The following LRP6 variants were observed in gnomAD, a reference collection of about 807,000 sequenced individuals.
The protein encoded by LRP6 is low-density lipoprotein receptor-related protein 6.
LRP6 carries 43 observed loss-of-function variants against 184.1 expected under a neutral mutation model. That is an observed-to-expected ratio of 0.23 (90% CI 0.18 to 0.30). LRP6 has a LOEUF of 0.30. Among genes scored for constraint, LRP6 ranks in the 10% least tolerant of loss-of-function variants. The pLI is 1.00. For missense variants in LRP6, 1,571 were observed against 2,005.3 expected (o/e 0.78, Z 4.14); for synonymous variants, 719 against 684.9 (o/e 1.05, Z -0.78).
chr12:12,127,646 G>A (rs773110381), intron 19 of LRP6, among the ~76,000 whole-genome samples: 5 of 152,028 alleles, frequency 3.3e-5, no homozygotes, highest in East Asian at 1.9e-4. Flanking sequence ...TGAGCTACCC[G>A]TTTAAGAAGC....
At chr12:12,214,317 G>C (rs1290127203) in intron 2 of LRP6, among the ~76,000 whole-genome samples, 2 of 152,040 alleles carry the variant, frequency 1.3e-5, no homozygotes, top group African/African-American at 4.8e-5. Flanking sequence ...TACAAGCACT[G>C]GATACAAATA....
intron 12 of LRP6, among the ~76,000 whole-genome samples, chr12:12,157,875 T>G (rs192370880): frequency 2.6e-5 from 4 of 152,162 alleles, no homozygotes; most frequent in Admixed American, 2.0e-4. Flanking sequence ...ATTTAAGTTA[T>G]AAGCCAGGTT....
Position 12,266,683 on chromosome 12 carries a change from C to T in LRP6, c.53G>A (p.Arg18Lys). The change falls in exon 1 of 23, where the codon AGA becomes AAA. Residue 18 changes from arginine to lysine, a missense_variant and splice_region_variant. Transcript: ENST00000261349. ...TCCAGTGCCCCCACTCTTCCCACCT[C>T]TCAGGAGCACACAGAAGCTGCAGGC... Reference protein sequence around the residue: ...LLACSFCVLLRAAPLLLYANR... With the variant: ...LLACSFCVLLKAAPLLLYANR... 1.2e-6 allele frequency: 2 copies of T among 1,613,558 alleles called. No individual in the cohort carries two copies. The highest frequency in any genetic ancestry group is 1.7e-6 in the Non-Finnish European group (2 of 1,179,802).
intron 9 of LRP6, among the ~76,000 whole-genome samples, chr12:12,163,496 T>C (rs1862792946): frequency 1.3e-5 from 2 of 152,246 alleles, no homozygotes; most frequent in Admixed American, 1.3e-4. Context: ...TTCAGATTTA[T>C]AGGTTGGGAG....
Position 12,187,117 on chromosome 12 carries a change from T to C in LRP6, c.650A>G (p.Gln217Arg), listed in dbSNP as rs1255524884. The change falls in exon 4 of 23, where the codon CAG (glutamine) becomes CGG (arginine). Residue 217 changes from glutamine to arginine, a missense_variant and splice_region_variant. Gln to Arg is a conservative substitution (Grantham distance 43). Coordinates refer to ENST00000261349, the MANE Select transcript of LRP6 (RefSeq NM_002336.3). ...HKSNLDGTNR[Q>R]AVVKGSLPHP... ...TGGAAGGGAACCTTTAACCACTGCC[T>C]GCCTATTAACATAAAGAGAAAAATT... The C allele has an allele frequency of 6.2e-7, 1 of 1,614,044 alleles. No homozygotes were observed. The highest frequency in any genetic ancestry group is 8.5e-7 in the Non-Finnish European group (1 of 1,179,890).
At chr12:12,156,270 T>C (rs866937840) in intron 12 of LRP6, among the ~76,000 whole-genome samples, 8 of 152,178 alleles carry the variant, frequency 5.3e-5, no homozygotes, top group South Asian at 4.2e-4. Flanking sequence ...CACGCAAATA[T>C]ATGCAATAAC....
At chr12:12,162,521 G>A (rs1862765994) in intron 9 of LRP6, 102 bp from the exon 10 acceptor site, 1 of 895,898 alleles carries the variant, frequency 1.1e-6, no homozygotes. Flanking sequence ...GGATCCAGAA[G>A]TGCCAAGAGG....
At chr12:12,203,533 G>A (rs1863971029) in intron 2 of LRP6, 133 bp from the exon 3 acceptor site, 5 of 724,828 alleles carry the variant, frequency 6.9e-6, no homozygotes, top group Non-Finnish European at 1.2e-5. Flanking sequence ...CTGGGAGGCT[G>A]AGGCAGGCAA....
intron 1 of LRP6, among the ~76,000 whole-genome samples, chr12:12,248,726 C>T (rs1168581676): frequency 1.3e-5 from 2 of 151,872 alleles, no homozygotes; most frequent in African/African-American, 2.4e-5. Flanking sequence ...GTGATCCGCC[C>T]GCCTCGGCCT....
At chr12:12,138,171 CAA>C (rs1226756234) in intron 16 of LRP6, among the ~76,000 whole-genome samples, 152 bp downstream of exon 16, 9 of 109,184 alleles carry the variant, frequency 8.2e-5, no homozygotes, top group Admixed American at 2.8e-4. Context: ...ACTCCGTCTC[CAA>C]AAAAAAAAAA....
intron 1 of LRP6, among the ~76,000 whole-genome samples, chr12:12,265,886 T>A (rs1865744018): frequency 6.6e-6 from 1 of 152,072 alleles, no homozygotes; most frequent in Non-Finnish European, 1.5e-5. Flanking sequence ...CCTATGCAAT[T>A]TACCAAAGTG....
chr12:12,246,388 G>A (rs1865184815), intron 1 of LRP6, among the ~76,000 whole-genome samples: 1 of 151,760 alleles, frequency 6.6e-6, no homozygotes, highest in African/African-American at 2.4e-5. Context: ...CACATCTAGA[G>A]GCTGGAATGC....
intron 7 of LRP6, among the ~76,000 whole-genome samples, chr12:12,168,005 T>TGGG (rs1862934807): frequency 6.6e-6 from 1 of 152,198 alleles, no homozygotes; most frequent in African/African-American, 2.4e-5. Context: ...CCCATTTTTA[T>TGGG]TGTTTACTTT....
At position 12,214,934 on chromosome 12, in the gene LRP6, C is replaced by G. The variant is rs571896380; in HGVS notation, c.450-11534G>C. Among the ~76,000 whole-genome samples, 24 of 152,332 alleles carry G rather than the reference C, an allele frequency of 1.6e-4. No individual in the cohort carries two copies. In the East Asian group the frequency reaches 3.3e-3, roughly 21 times the overall value. On this transcript the variant is annotated intron_variant, in intron 2 of 22. Coordinates refer to ENST00000261349, the MANE Select transcript of LRP6 (RefSeq NM_002336.3). ...AGACAGACAATAAGATGCTAGACAA[C>G]TCATTCATCATGATTGCTTCCTTGG...
Position 12,203,354 on chromosome 12 carries a change from C to G in LRP6, c.496G>C (p.Ala166Pro), listed in dbSNP as rs756717201. 1 of 1,614,000 alleles carries G rather than the reference C, an allele frequency of 6.2e-7. No individual in the cohort carries two copies. Among genetic ancestry groups the G allele is most frequent in the Non-Finnish European group, 8.5e-7 (1 of 1,179,986 alleles). ...AAGCGACTTGAACCATCCATTCCAG[C>G]ACGTTCTATCTTTGGCACTTCTCCC... ...DWGEVPKIER[A>P]GMDGSSRFII... Residue 166 changes from alanine to proline, a missense_variant, in exon 3 of 23, where the codon GCT (alanine) becomes CCT (proline). Coordinates refer to ENST00000261349, the MANE Select transcript of LRP6 (RefSeq NM_002336.3).
chr12:12,250,321 T>C (rs1441721367), intron 1 of LRP6, among the ~76,000 whole-genome samples: 2 of 152,202 alleles, frequency 1.3e-5, no homozygotes, highest in African/African-American at 4.8e-5. Context: ...ACACCCATCA[T>C]TGCAGAGTAT....
At chr12:12,136,662 C>T (rs983705470) in intron 16 of LRP6, among the ~76,000 whole-genome samples, 1 of 152,210 alleles carries the variant, frequency 6.6e-6, no homozygotes, top group African/African-American at 2.4e-5. Context: ...TCCACAATAA[C>T]ATTGGTTCTG....
At chr12:12,191,242 G>A (rs749818183) in intron 3 of LRP6, among the ~76,000 whole-genome samples, 6 of 152,092 alleles carry the variant, frequency 3.9e-5, no homozygotes, top group African/African-American at 9.7e-5. Flanking sequence ...TGTCCTTCCC[G>A]GGCTCCCTTC....
intron 1 of LRP6, chr12:12,248,945 G>T: frequency 2.2e-6 from 1 of 449,988 alleles, no homozygotes; most frequent in Non-Finnish European, 4.0e-6. Context: ...TGTTCCAAAT[G>T]ACAGAGTATA....
Sources: allele counts gnomAD v4.1 joint callset (sites outside exome capture counted in the v4.1 genomes callset), GRCh38; gene constraint gnomAD v4.1.1; transcripts MANE v1.5; gene names NCBI Gene and HGNC (gene_info 2026-07-23, HGNC 2026-07-21).